The following CRTC3 variants were observed in gnomAD, a reference collection of about 807,000 sequenced individuals.
The protein encoded by CRTC3 is CREB regulated transcription coactivator 3.
Under a neutral mutation model 74.5 loss-of-function variants are expected in CRTC3, and 26 were observed. The ratio of observed to expected loss-of-function variants is 0.35; its 90% CI spans 0.26 to 0.48. The LOEUF (loss-of-function observed/expected upper bound fraction) is 0.48. Among genes scored for constraint, CRTC3 ranks in the 20% least tolerant of loss-of-function variants. The probability of loss-of-function intolerance (pLI) is 0.99; values close to 1 mark genes in which losing one functional copy is unlikely to be tolerated. For synonymous variants in CRTC3, 377 were observed against 325.8 expected (o/e 1.16, Z -1.69); for missense variants, 760 against 787.3 (o/e 0.97, Z 0.41).
At chr15:90,584,679 C>T (rs1337314852) in intron 2 of CRTC3, among the ~76,000 whole-genome samples, 1 of 152,134 alleles carries the variant, frequency 6.6e-6, no homozygotes, top group Non-Finnish European at 1.5e-5. Flanking sequence ...AACCAAGCAG[C>T]ATCATGGGCA....
At chr15:90,579,188 G>A (rs776476069) in intron 2 of CRTC3, among the ~76,000 whole-genome samples, 75 of 152,210 alleles carry the variant, frequency 4.9e-4, no homozygotes, top group Non-Finnish European at 8.4e-4. Flanking sequence ...ATTTGGAGGT[G>A]ATTTATAGTA....
chr15:90,636,212 T>C (rs1238220027), intron 11 of CRTC3, among the ~76,000 whole-genome samples: 2 of 151,892 alleles, frequency 1.3e-5, no homozygotes, highest in African/African-American at 4.8e-5. Context: ...AACAGAGATA[T>C]AGACCAATGG....
intron 6 of CRTC3, chr15:90,614,083 T>A (rs1229645180): frequency 5.5e-6 from 1 of 181,528 alleles, no homozygotes; most frequent in Non-Finnish European, 1.1e-5. Context: ...GCTTTTTGAG[T>A]TACCTGCTCT....
chr15:90,531,764 A>C (rs530437029), intron 1 of CRTC3, among the ~76,000 whole-genome samples: 26 of 152,270 alleles, frequency 1.7e-4, no homozygotes, highest in African/African-American at 6.3e-4. Flanking sequence ...ATGTGTTTTT[A>C]AATACATACT....
chr15:90,641,883 C>T, intron 14 of CRTC3, 49 bp from the exon 15 acceptor site: 8 of 1,555,988 alleles, frequency 5.1e-6, no homozygotes, highest in Non-Finnish European at 7.1e-6. Context: ...AGCCTGGAGC[C>T]TTCGCGCCTC....
At chr15:90,622,310 T>C (rs564914284) in intron 9 of CRTC3, among the ~76,000 whole-genome samples, 1 of 152,310 alleles carries the variant, frequency 6.6e-6, no homozygotes, top group Non-Finnish European at 1.5e-5. Context: ...AGAGGAATTG[T>C]GTGAACGTTA....
intron 6 of CRTC3, among the ~76,000 whole-genome samples, chr15:90,608,503 G>A (rs554312619): frequency 6.6e-6 from 1 of 152,290 alleles, no homozygotes; most frequent in African/African-American, 2.4e-5. Flanking sequence ...GCCTCAGCTT[G>A]TGTGTGTCCT....
At chr15:90,627,400 CTTTTG>C (rs1484837764) in intron 10 of CRTC3, among the ~76,000 whole-genome samples, 48 of 152,262 alleles carry the variant, frequency 3.2e-4, no homozygotes, top group Non-Finnish European at 5.7e-4. Flanking sequence ...GGCAATTCAC[CTTTTG>C]GGTGAATCCT....
At chr15:90,569,317 T>A in intron 2 of CRTC3, among the ~76,000 whole-genome samples, 1 of 3,338 alleles carries the variant, frequency 3.0e-4, no homozygotes, top group Admixed American at 1.2e-3. Context: ...AAACAAAACC[T>A]TTTTTTTTTT....
chr15:90,567,539 T>C (rs1255670393), intron 2 of CRTC3, among the ~76,000 whole-genome samples: 1 of 151,656 alleles, frequency 6.6e-6, no homozygotes, highest in African/African-American at 2.4e-5. Flanking sequence ...ATAGAAAAAA[T>C]TAGCCGGGCA....
chr15:90,540,287 G>T, intron 2 of CRTC3, 150 bp downstream of exon 2: 1 of 595,674 alleles, frequency 1.7e-6, no homozygotes, highest in Non-Finnish European at 2.9e-6. Context: ...CTCTCTCATA[G>T]TTTCTACAGC....
rs189158602 is a variant in CRTC3, at chr15:90,574,349, G to A, written c.232-19287G>A. On this transcript the variant is annotated intron_variant, in intron 2 of 14. Transcript: ENST00000268184. ...AAAAATTAGCTGGGTGTGGTGGTGC[G>A]CACCTGTAGTCCCAGCTACTCAGGA... Among the ~76,000 whole-genome samples the A allele has an allele frequency of 3.0e-4, 45 of 152,006 alleles. 1 individual carries two copies. In the East Asian group the frequency reaches 7.5e-3, roughly 25 times the overall value.
Position 90,642,278 on chromosome 15 carries a change from G to A in CRTC3, c.*138G>A. ...ATGCCACGGCTCCAGGGTTTCAGAT[G>A]AGATCCCATCTCAGACACTGTGGCT... On this transcript the variant is annotated 3_prime_UTR_variant, in exon 15 of 15. Transcript: ENST00000268184. 1.4e-6 allele frequency: 1 copy of A among 690,698 alleles called. No individual in the cohort carries two copies. The highest frequency in any genetic ancestry group is 2.5e-6 in the Non-Finnish European group (1 of 403,918). 42.8% of individuals were successfully genotyped at this position (690,698 alleles called of 1,614,324 possible).
chr15:90,603,953 A>G lies in CRTC3; in HGVS notation c.414-432A>G, dbSNP rs574415605. On this transcript the variant is annotated intron_variant, in intron 4 of 14. Coordinates refer to ENST00000268184, the MANE Select transcript of CRTC3 (RefSeq NM_022769.5). ...CTGTTATTTTTCTTTTATGTATCCA[A>G]GAAATGTCTTCTGCTTTTCAGAGCA... 2.0e-5 allele frequency among the ~76,000 whole-genome samples: 3 copies of G among 152,320 alleles called. No homozygotes were observed. The East Asian group carries it at 5.8e-4, about 29-fold the overall frequency.
chr15:90,547,342 C>T (rs1277538307), intron 2 of CRTC3, among the ~76,000 whole-genome samples: 7 of 152,130 alleles, frequency 4.6e-5, no homozygotes, highest in Admixed American at 3.3e-4. Flanking sequence ...CCTGTCTACT[C>T]CTTTTATGTT....
chr15:90,602,972 C>G (rs1228320355), intron 4 of CRTC3, among the ~76,000 whole-genome samples: 1 of 151,572 alleles, frequency 6.6e-6, no homozygotes, highest in African/African-American at 2.4e-5. Flanking sequence ...GACTCCATCT[C>G]AAAAAACAAA....
intron 8 of CRTC3, 27 bp from the exon 9 acceptor site, chr15:90,619,714 A>C: frequency 6.2e-7 from 1 of 1,611,268 alleles, no homozygotes; most frequent in South Asian, 1.1e-5. Context: ...ACAGCGAGTA[A>C]GCCCAGCTTT....
At chr15:90,577,786 G>C (rs544247384) in intron 2 of CRTC3, among the ~76,000 whole-genome samples, 1 of 152,136 alleles carries the variant, frequency 6.6e-6, no homozygotes, top group Non-Finnish European at 1.5e-5. Flanking sequence ...GACAAATATC[G>C]CATGTTCTCA....
At chr15:90,590,849 C>T (rs1358350226) in intron 2 of CRTC3, among the ~76,000 whole-genome samples, 2 of 152,192 alleles carry the variant, frequency 1.3e-5, no homozygotes, top group East Asian at 3.8e-4. Flanking sequence ...CAAATGTAAG[C>T]AGAGATTAAC....
Sources: allele counts gnomAD v4.1 joint callset (sites outside exome capture counted in the v4.1 genomes callset), GRCh38; gene constraint gnomAD v4.1.1; transcripts MANE v1.5; gene names NCBI Gene and HGNC (gene_info 2026-07-23, HGNC 2026-07-21).